HECW1: variants seen among roughly 807,000 people sequenced by gnomAD.
HECW1 encodes the protein E3 ubiquitin-protein ligase HECW1.
In HECW1, 61 loss-of-function variants were observed where a neutral mutation model predicts 182.3. That is an observed-to-expected ratio of 0.33 (90% CI 0.27 to 0.41). HECW1 has a LOEUF of 0.41. Ranked by LOEUF, HECW1 falls within the 10% of genes least tolerant of loss-of-function variation. The probability of loss-of-function intolerance (pLI) is 1.00; values close to 1 mark genes in which losing one functional copy is unlikely to be tolerated. For synonymous variants in HECW1, 859 were observed against 832.6 expected, an observed-to-expected ratio of 1.03 and a Z score of -0.55; for missense variants, 1,739 against 2,108.9, an observed-to-expected ratio of 0.82 and a Z score of 3.44.
intron 2 of HECW1, among the ~76,000 whole-genome samples, chr7:43,210,664 A>G (rs1795930758): frequency 6.6e-6 from 1 of 152,152 alleles, no homozygotes; most frequent in Non-Finnish European, 1.5e-5. Flanking sequence ...GAAGAGAACC[A>G]TGGAACCCAG....
intron 24 of HECW1, among the ~76,000 whole-genome samples, chr7:43,524,784 T>C (rs1300584696): frequency 6.6e-6 from 1 of 152,186 alleles, no homozygotes; most frequent in Non-Finnish European, 1.5e-5. Context: ...CACCTCTAGC[T>C]CTCCCGTGTG....
At chr7:43,525,977 C>A (rs56110823) in intron 24 of HECW1, among the ~76,000 whole-genome samples, 24,208 of 152,188 alleles carry the variant, frequency 0.16, 2,531 homozygotes, top group Non-Finnish European at 0.24. Flanking sequence ...TCAATAAATT[C>A]TATTATCTAA....
At position 43,550,475 on chromosome 7, in the gene HECW1, G is replaced by A. The variant is rs369426934; in HGVS notation, c.4279G>A (p.Ala1427Thr). 4 of 1,614,170 alleles carry A rather than the reference G, an allele frequency of 2.5e-6. No homozygotes were observed. The highest frequency in any genetic ancestry group is 3.4e-6 in the Non-Finnish European group (4 of 1,180,014). The change falls in exon 27 of 30, where the codon GCC becomes ACC. Residue 1427 changes from alanine to threonine, a missense_variant. Ala to Thr is a moderately conservative substitution (Grantham distance 58). This residue lies in a region of HECW1 where 420 missense variants were observed against 595.7 expected (regional missense o/e 0.71). Coordinates refer to ENST00000395891, the MANE Select transcript of HECW1 (RefSeq NM_015052.5). ...GGAAAGGGAGTTGAAGTCTGGAGGA[G>A]CCAACACACAGGTGACGGAGAAAAA... ...VTERELKSGG[A>T]NTQVTEKNKK...
intron 5 of HECW1, among the ~76,000 whole-genome samples, chr7:43,359,868 A>G (rs1450382233): frequency 6.6e-6 from 1 of 152,224 alleles, no homozygotes; most frequent in Non-Finnish European, 1.5e-5. Flanking sequence ...TTAAATTTTA[A>G]GAAAACAAAT....
At chr7:43,545,303 G>A (rs2081514596) in intron 26 of HECW1, among the ~76,000 whole-genome samples, 1 of 152,150 alleles carries the variant, frequency 6.6e-6, no homozygotes, top group South Asian at 2.1e-4. Flanking sequence ...AGAAAACGAA[G>A]TCAACTACAA....
At chr7:43,347,480 T>G (rs1055581605) in intron 5 of HECW1, among the ~76,000 whole-genome samples, 1 of 152,154 alleles carries the variant, frequency 6.6e-6, no homozygotes, top group Non-Finnish European at 1.5e-5. Flanking sequence ...CAGTGACAGT[T>G]TGACTTCCTC....
intron 3 of HECW1, chr7:43,249,628 T>C (rs947752660): frequency 6.6e-6 from 1 of 152,226 alleles, no homozygotes; most frequent in East Asian, 1.9e-4. Flanking sequence ...AACTAGGGCA[T>C]GCACACTGCA....
intron 24 of HECW1, among the ~76,000 whole-genome samples, chr7:43,533,509 T>C (rs1452914178): frequency 1.3e-5 from 2 of 152,112 alleles, no homozygotes; most frequent in African/African-American, 4.8e-5. Flanking sequence ...ATGGATGCAG[T>C]TATAGCAACC....
intron 2 of HECW1, among the ~76,000 whole-genome samples, chr7:43,221,537 GTTTTTTTTTTTTTTTTTTTT>G (rs71008897): frequency 6.7e-4 from 34 of 50,532 alleles, no homozygotes; most frequent in Admixed American, 1.5e-3. Flanking sequence ...GAGGAATTAG[GTTTTTTTTTTTTTTTTTTTT>G]TTTTTTTTTT....
chr7:43,370,679 A>T (rs1036058777), intron 6 of HECW1, among the ~76,000 whole-genome samples: 8 of 152,176 alleles, frequency 5.3e-5, no homozygotes, highest in African/African-American at 1.9e-4. Context: ...CTAAAAAAAA[A>T]TGAGCTGCCA....
intron 3 of HECW1, among the ~76,000 whole-genome samples, chr7:43,305,628 G>A (rs540534025): frequency 6.6e-6 from 1 of 151,680 alleles, no homozygotes; most frequent in South Asian, 2.1e-4. Flanking sequence ...TGTTTGGGGG[G>A]GACAGAGTCT....
Position 43,275,809 on chromosome 7 carries a change from T to A in HECW1, c.27+31877T>A, listed in dbSNP as rs189931511. ...ATTTGCTGGATAGGTGGCTGTGGGT[T>A]TATTCAATCAAATGCTTTACAGAGT... On this transcript the variant is annotated intron_variant, in intron 3 of 29. Transcript: ENST00000395891. 2.5e-3 allele frequency among the ~76,000 whole-genome samples: 376 copies of A among 150,080 alleles called. 1 individual carries two copies. The highest frequency in any genetic ancestry group is 8.9e-3 in the African/African-American group (365 of 40,804).
chr7:43,390,549 C>CAAACAA (rs1554395950), intron 6 of HECW1, among the ~76,000 whole-genome samples: 3 of 134,004 alleles, frequency 2.2e-5, no homozygotes, highest in Non-Finnish European at 4.8e-5. Context: ...AAAAAAAAAA[C>CAAACAA]AAAAAAAAAA....
intron 7 of HECW1, among the ~76,000 whole-genome samples, chr7:43,404,907 C>T (rs928329660): frequency 5.3e-4 from 80 of 152,084 alleles, no homozygotes; most frequent in African/African-American, 1.5e-3. Context: ...ACCCGGGAGG[C>T]GGAGGTTGCA....
intron 3 of HECW1, among the ~76,000 whole-genome samples, chr7:43,305,566 T>C (rs1807437396): frequency 1.3e-5 from 2 of 151,580 alleles, no homozygotes; most frequent in South Asian, 2.1e-4. Flanking sequence ...AACCTGAGAA[T>C]AGTGAAACTG....
At chr7:43,474,317 C>T (rs894091144) in intron 16 of HECW1, among the ~76,000 whole-genome samples, 15 of 151,978 alleles carry the variant, frequency 9.9e-5, no homozygotes, top group South Asian at 2.1e-4. Context: ...GGCATGGTGG[C>T]GGGTGCCTGT....
At position 43,320,673 on chromosome 7, in the gene HECW1, C is replaced by A; in HGVS notation, c.391C>A (p.Arg131Ser). ...LSENFLDYKN[R>S]GVNGSHRGQI... ...CGAAAACTTTCTGGACTATAAAAACCGTGGAGTCAATGGTTCTCATCGGGG... is the reference window on the plus strand; with the variant it reads ...CGAAAACTTTCTGGACTATAAAAACAGTGGAGTCAATGGTTCTCATCGGGG... The change falls in exon 5 of 30, where the codon CGT becomes AGT. Residue 131 changes from arginine (R) to serine (S), a missense_variant. Arg to Ser is a moderately radical substitution (Grantham distance 110). Coordinates refer to ENST00000395891, the MANE Select transcript of HECW1 (RefSeq NM_015052.5). 1 of 1,614,152 alleles carries A rather than the reference C, an allele frequency of 6.2e-7. No individual in the cohort carries two copies. Among genetic ancestry groups the A allele is most frequent in the Non-Finnish European group, 8.5e-7 (1 of 1,180,016 alleles).
rs111227376 is a variant in HECW1, at chr7:43,497,471, T to A, written c.3438-3228T>A. Among the ~76,000 whole-genome samples the A allele has an allele frequency of 3.4e-3, 511 of 152,252 alleles. 1 individual carries two copies. Among genetic ancestry groups the A allele is most frequent in the Admixed American group, 7.1e-3 (109 of 15,284 alleles). ...CATCTGTGTTTTTAGTGACCACAGATGCAATCATATTTCATCTGTTTTTCA... is the reference window on the plus strand; with the variant it reads ...CATCTGTGTTTTTAGTGACCACAGAAGCAATCATATTTCATCTGTTTTTCA... On this transcript the variant is annotated intron_variant, in intron 19 of 29. Coordinates refer to ENST00000395891, the MANE Select transcript of HECW1 (RefSeq NM_015052.5).
intron 2 of HECW1, among the ~76,000 whole-genome samples, chr7:43,181,951 A>AT (rs1173950047): frequency 6.6e-6 from 1 of 150,592 alleles, no homozygotes; most frequent in Non-Finnish European, 1.5e-5. Context: ...CGCCCGGCTA[A>AT]TTTTTTGTAT....
Sources: allele counts gnomAD v4.1 joint callset (sites outside exome capture counted in the v4.1 genomes callset), GRCh38; gene constraint gnomAD v4.1.1; regional missense constraint gnomAD v4.1.1; transcripts MANE v1.5; gene names NCBI Gene and HGNC (gene_info 2026-07-23, HGNC 2026-07-21).